Variants in TXLNB observed in about 807,000 individuals in gnomAD.
TXLNB encodes beta-taxilin.
In TXLNB, 37 loss-of-function variants were observed where a neutral mutation model predicts 57.4. The observed-to-expected ratio is 0.64, with a 90% CI of 0.50 to 0.85. The LOEUF (loss-of-function observed/expected upper bound fraction) is 0.85. Among genes scored for constraint, TXLNB ranks in the 40% least tolerant of loss-of-function variants. The pLI, the probability that TXLNB is intolerant of heterozygous loss-of-function variation, is 0.00. For missense variants in TXLNB, 848 were observed against 825.6 expected (o/e 1.03, Z -0.33); for synonymous variants, 302 against 309.6 (o/e 0.98, Z 0.26).
the TXLNB span, among the ~76,000 whole-genome samples, chr6:139,190,312 T>TC: frequency 2.0e-4 from 29 of 144,214 alleles, no homozygotes; most frequent in South Asian, 4.4e-4. Context: ...TTTCTTTCTT[T>TC]TTTTTTTTTT....
At chr6:139,293,599 T>A (rs899097348), upstream of TXLNB, among the ~76,000 whole-genome samples, 2 of 152,034 alleles carry the variant, frequency 1.3e-5, no homozygotes, top group Non-Finnish European at 2.9e-5. Flanking sequence ...TCCAGAAATA[T>A]AAAATAGCAA....
chr6:139,213,739 A>G, the TXLNB span, among the ~76,000 whole-genome samples: 7 of 152,194 alleles, frequency 4.6e-5, no homozygotes, highest in Non-Finnish European at 1.0e-4. Context: ...AGCAAGACCA[A>G]TAAAGAAGAA....
chr6:139,227,368 A>C, the TXLNB span, among the ~76,000 whole-genome samples: 8 of 149,790 alleles, frequency 5.3e-5, no homozygotes, highest in South Asian at 2.3e-4. Flanking sequence ...AAAAAAAAAA[A>C]CGACAGTGAG....
chr6:139,238,803 G>A (rs550607151), downstream of TXLNB, among the ~76,000 whole-genome samples: 6 of 152,282 alleles, frequency 3.9e-5, no homozygotes, highest in East Asian at 1.2e-3. Context: ...GGAGGCCAGA[G>A]TCCTTATTTT....
the TXLNB span, among the ~76,000 whole-genome samples, chr6:139,205,336 A>G: frequency 1.3e-5 from 2 of 152,334 alleles, no homozygotes; most frequent in South Asian, 4.1e-4. Flanking sequence ...CATGTTGGCC[A>G]GGCTGGTCTC....
the TXLNB span, among the ~76,000 whole-genome samples, chr6:139,312,367 T>G: frequency 6.6e-6 from 1 of 152,186 alleles, no homozygotes; most frequent in Admixed American, 6.5e-5. Context: ...GTCAAAAAAA[T>G]AATTTCTGTT....
chr6:139,166,357 G>A, the TXLNB span: 1 of 1,614,146 alleles, frequency 6.2e-7, no homozygotes, highest in African/African-American at 1.3e-5. Context: ...ACTACCAGAA[G>A]GTGGTGTGCA....
Position 139,288,559 on chromosome 6 carries a change from A to G in TXLNB, c.341T>C (p.Val114Ala), listed in dbSNP as rs542020807. The G allele has an allele frequency of 1.9e-6, 3 of 1,614,194 alleles. No individual in the cohort carries two copies. The highest frequency in any genetic ancestry group is 1.7e-5 in the Admixed American group (1 of 60,026). Residue 114 changes from valine to alanine, a missense_variant, in exon 2 of 10, where the codon GTT becomes GCT. Physicochemically the swap from Val to Ala is moderately conservative, Grantham distance 64 (BLOSUM62 0). Transcript: ENST00000358430. ...ETTEEAGREPVASGEPPTVKE... is the reference protein window; with the variant it reads ...ETTEEAGREPAASGEPPTVKE... ...GACAGTGGGTGGCTCTCCAGAAGCAACGGGTTCTCTTCCAGCCTCTTCAGT... is the reference window on the plus strand; with the variant it reads ...GACAGTGGGTGGCTCTCCAGAAGCAGCGGGTTCTCTTCCAGCCTCTTCAGT...
At chr6:139,306,619 A>T in the TXLNB span, among the ~76,000 whole-genome samples, 1 of 152,144 alleles carries the variant, frequency 6.6e-6, no homozygotes, top group Non-Finnish European at 1.5e-5. Context: ...CTTTGATCTA[A>T]ATATTCCCGC....
chr6:139,262,452 G>T, intron 5 of TXLNB, 127 bp downstream of exon 5: 1 of 768,410 alleles, frequency 1.3e-6, no homozygotes, highest in Non-Finnish European at 1.9e-6. Flanking sequence ...GCTCGTCAAG[G>T]AAATCCAATC....
Position 139,262,608 on chromosome 6 carries a change from TG to T in TXLNB, c.852del (p.Ser284ArgfsTer37). The T allele has an allele frequency of 6.2e-7, 1 of 1,614,158 alleles. No individual in the cohort carries two copies. The highest frequency in any genetic ancestry group is 1.1e-5 in the South Asian group (1 of 91,072). ...TCTCTGAGCTCATACTGATCGATGA[TG>T]CTTTTCAGCTTTTCTGCAAGCTCTG... ...ENTELAEKLK[S>X]IIDQYELREE... On this transcript the variant is annotated frameshift_variant, in exon 5 of 10. Coordinates refer to ENST00000358430, the MANE Select transcript of TXLNB (RefSeq NM_153235.4). LOFTEE classifies it high-confidence loss of function.
the TXLNB span, among the ~76,000 whole-genome samples, chr6:139,175,656 A>G: frequency 1.3e-5 from 2 of 152,314 alleles, no homozygotes; most frequent in Middle Eastern, 3.4e-3. Context: ...TCCTCATACA[A>G]TGGAGGCCTA....
chr6:139,218,109 C>G, the TXLNB span, among the ~76,000 whole-genome samples: 1 of 152,026 alleles, frequency 6.6e-6, no homozygotes, highest in Non-Finnish European at 1.5e-5. Context: ...GGTAGGGTCC[C>G]CTTTAGGGTG....
At chr6:139,196,391 T>TTTTTA in the TXLNB span, among the ~76,000 whole-genome samples, 6 of 114,716 alleles carry the variant, frequency 5.2e-5, no homozygotes, top group South Asian at 2.8e-4. Flanking sequence ...TTTTTTTTTT[T>TTTTTA]GAGATGGAGT....
chr6:139,240,410 TG>T lies in TXLNB; in HGVS notation c.*2115del, dbSNP rs1164850066. 2 of 152,676 alleles carry T rather than the reference TG, an allele frequency of 1.3e-5. No individual in the cohort carries two copies. Among genetic ancestry groups the T allele is most frequent in the Non-Finnish European group, 2.9e-5 (2 of 68,046 alleles). The allele number at this position is 152,676 out of a possible 1,614,324, so 9.5% of individuals were successfully genotyped here. On this transcript the variant is annotated 3_prime_UTR_variant, in exon 10 of 10. Transcript: ENST00000358430. The stretch of plus-strand genomic sequence containing the variant: ...TGTGTTTCTGTGAAAGTCTTTTGGA[TG>T]AAAATAATGAACTTTGGGTTTTAGA...
At chr6:139,264,270 G>T (rs900458343) in intron 4 of TXLNB, among the ~76,000 whole-genome samples, 1 of 152,188 alleles carries the variant, frequency 6.6e-6, no homozygotes, top group African/African-American at 2.4e-5. Context: ...GTGTGATTAT[G>T]ATTGTTTCCT....
Position 139,242,694 on chromosome 6 carries a change from A to G in TXLNB, c.1887T>C (p.Asp629=). The change falls in exon 10 of 10, where the codon GAT becomes GAC. Residue 629 remains aspartate, a synonymous_variant. Coordinates refer to ENST00000358430, the MANE Select transcript of TXLNB (RefSeq NM_153235.4). The stretch of plus-strand genomic sequence containing the variant: ...CTGCTGCGCATGCTGGAGCAGGCAC[A>G]TCTGCCTCCATCTTCTGTAGGGAGG... ...TEASLQKMEA[D]VPAPACAAEE... 6.2e-7 allele frequency: 1 copy of G among 1,610,816 alleles called. No individual in the cohort carries two copies.
At chr6:139,193,341 G>T in the TXLNB span, among the ~76,000 whole-genome samples, 1 of 145,680 alleles carries the variant, frequency 6.9e-6, no homozygotes, top group Non-Finnish European at 1.5e-5. Context: ...GATATATCTA[G>T]CCTAGAGTTC....
intron 7 of TXLNB, among the ~76,000 whole-genome samples, chr6:139,250,357 C>CTTTTTTT (rs61441759): frequency 4.2e-5 from 5 of 118,888 alleles, no homozygotes; most frequent in African/African-American, 1.3e-4. Context: ...TTCTTTCTTT[C>CTTTTTTT]TTTTTTTTTT....
Sources: gnomAD v4.1 joint callset for allele counts (sites outside exome capture counted in the v4.1 genomes callset) on GRCh38, gnomAD v4.1.1 for gene constraint, MANE v1.5 for transcripts, NCBI Gene and HGNC (gene_info 2026-07-23, HGNC 2026-07-21) for gene names.